The following CSMD1 variants were observed in gnomAD, a reference collection of about 807,000 sequenced individuals.
The protein encoded by CSMD1 is CUB and Sushi multiple domains 1.
In CSMD1, 213 loss-of-function variants were observed where a neutral mutation model predicts 417.5. That is an observed-to-expected ratio of 0.51 (90% CI 0.46 to 0.57). The LOEUF is 0.57. CSMD1 is among the 20% of genes least tolerant of loss of function. The pLI is 0.00. For missense variants in CSMD1, 6,923 were observed against 4,529.7 expected (o/e 1.53, Z -15.17); for synonymous variants, 2,862 against 1,736.8 (o/e 1.65, Z -16.11).
intron 6 of CSMD1, among the ~76,000 whole-genome samples, chr8:3,726,233 AC>A (rs1458533430): frequency 9.9e-5 from 15 of 152,254 alleles, no homozygotes; most frequent in African/African-American, 3.6e-4. Context: ...TTGACTGTAA[AC>A]CCATGAGAGG....
chr8:3,891,763 T>G (rs1423156381), intron 5 of CSMD1, among the ~76,000 whole-genome samples: 2 of 152,134 alleles, frequency 1.3e-5, no homozygotes, highest in Admixed American at 1.3e-4. Context: ...ACTGAATCTC[T>G]GCTTCATAAC....
chr8:3,722,055 G>A (rs536373990), intron 6 of CSMD1, among the ~76,000 whole-genome samples: 1 of 152,164 alleles, frequency 6.6e-6, no homozygotes, highest in Non-Finnish European at 1.5e-5. Context: ...AGAAGCATAA[G>A]GAAGAGGCCG....
intron 26 of CSMD1, among the ~76,000 whole-genome samples, chr8:3,242,740 A>C (rs528707683): frequency 9.9e-5 from 15 of 151,182 alleles, no homozygotes; most frequent in African/African-American, 3.6e-4. Context: ...GAAAAGAGAG[A>C]GTAGAGACAT....
At chr8:4,716,262 C>T (rs569763436) in intron 1 of CSMD1, among the ~76,000 whole-genome samples, 15 of 152,278 alleles carry the variant, frequency 9.9e-5, no homozygotes, top group African/African-American at 3.6e-4. Context: ...AAGACAATGC[C>T]AGCTCTTCAT....
At chr8:3,077,671 C>G (rs1389976104) in intron 49 of CSMD1, among the ~76,000 whole-genome samples, 1 of 152,254 alleles carries the variant, frequency 6.6e-6, no homozygotes, top group African/African-American at 2.4e-5. Flanking sequence ...GCATGCCCAT[C>G]GGGGCCTTAC....
chr8:4,123,258 G>A (rs959796552), intron 3 of CSMD1, among the ~76,000 whole-genome samples: 14 of 152,170 alleles, frequency 9.2e-5, no homozygotes, highest in African/African-American at 3.1e-4. Context: ...AAATGATACA[G>A]GCTTTGTAGC....
intron 3 of CSMD1, among the ~76,000 whole-genome samples, chr8:4,116,529 A>G (rs7812417): frequency 0.64 from 13,294 of 20,654 alleles, 5,396 homozygotes; most frequent in Non-Finnish European, 0.73. Context: ...GAGTGCAGGT[A>G]CCTGGATGGA....
intron 3 of CSMD1, among the ~76,000 whole-genome samples, chr8:4,377,648 G>C (rs545536680): frequency 3.3e-5 from 5 of 152,076 alleles, no homozygotes; most frequent in African/African-American, 7.2e-5. Flanking sequence ...TCATTTATAA[G>C]GTTCTTTTTA....
At chr8:4,175,697 G>T (rs755391993) in intron 3 of CSMD1, among the ~76,000 whole-genome samples, 11 of 152,146 alleles carry the variant, frequency 7.2e-5, no homozygotes, top group African/African-American at 2.7e-4. Context: ...TGTCCTCACA[G>T]AAGGGAGAAT....
At position 3,406,352 on chromosome 8, in the gene CSMD1, T is replaced by A. The variant is rs1252968736; in HGVS notation, c.2072-131A>T. ...TATATAATTATATAAATTTCAGTTG[T>A]ATCATTCATAGATAGATAATACATT... On this transcript the variant is annotated intron_variant, in intron 14 of 69. Coordinates refer to ENST00000635120, the MANE Select transcript of CSMD1 (RefSeq NM_033225.6). 7 of 642,680 alleles carry A rather than the reference T, an allele frequency of 1.1e-5. No individual in the cohort carries two copies. The African/African-American group carries it at 1.6e-4, about 15-fold the overall frequency. The allele number at this position is 642,680 out of a possible 1,614,324, so 39.8% of individuals were successfully genotyped here. A position where few individuals can be genotyped will look rare whatever the true frequency, so the allele number is the denominator to read the frequency against.
chr8:3,536,293 C>T (rs780785216), intron 10 of CSMD1, among the ~76,000 whole-genome samples: 49 of 152,234 alleles, frequency 3.2e-4, no homozygotes, highest in Non-Finnish European at 6.6e-4. Context: ...TGTACTTAAA[C>T]TAATTATTTT....
At chr8:4,638,088 G>A (rs142046540) in intron 1 of CSMD1, among the ~76,000 whole-genome samples, 1 of 152,194 alleles carries the variant, frequency 6.6e-6, no homozygotes, top group Non-Finnish European at 1.5e-5. Context: ...GCAACATTTT[G>A]TAACTAATAT....
chr8:3,809,369 T>C (rs1240677104), intron 5 of CSMD1, among the ~76,000 whole-genome samples: 2 of 152,230 alleles, frequency 1.3e-5, no homozygotes, highest in African/African-American at 4.8e-5. Context: ...ATCACTGTTC[T>C]ACTCACTAGG....
At chr8:3,794,737 T>A (rs1489560125) in intron 5 of CSMD1, among the ~76,000 whole-genome samples, 1 of 152,090 alleles carries the variant, frequency 6.6e-6, no homozygotes, top group African/African-American at 2.4e-5. Flanking sequence ...ATCTCACAGT[T>A]GCAACTTCCA....
intron 1 of CSMD1, among the ~76,000 whole-genome samples, chr8:4,801,375 C>A (rs76631463): frequency 6.6e-6 from 1 of 151,982 alleles, no homozygotes; most frequent in African/African-American, 2.4e-5. Context: ...CAGTACTGAG[C>A]AGATTCAAAG....
At chr8:3,094,240 G>A (rs944766614) in intron 47 of CSMD1, among the ~76,000 whole-genome samples, 3 of 152,002 alleles carry the variant, frequency 2.0e-5, no homozygotes, top group Non-Finnish European at 4.4e-5. Context: ...TGAGTAGCTG[G>A]GATTACAGGC....
At chr8:4,584,943 T>G (rs1043073854) in intron 2 of CSMD1, among the ~76,000 whole-genome samples, 3 of 152,120 alleles carry the variant, frequency 2.0e-5, no homozygotes, top group Admixed American at 6.5e-5. Flanking sequence ...AGCCCCAGTC[T>G]AACTGCCTGC....
intron 41 of CSMD1, 80 bp from the exon 42 acceptor site, chr8:3,118,667 T>A (rs553934835): frequency 1.6e-6 from 2 of 1,241,814 alleles, no homozygotes; most frequent in African/African-American, 3.0e-5. Context: ...TGTCATCACA[T>A]GTGACTGCTT....
chr8:3,957,465 C>A (rs1812033463), intron 5 of CSMD1, among the ~76,000 whole-genome samples: 1 of 152,036 alleles, frequency 6.6e-6, no homozygotes, highest in South Asian at 2.1e-4. Context: ...AGCCCCTGAG[C>A]CTAGGAGTAT....
Sources: gnomAD v4.1 joint callset for allele counts (sites outside exome capture counted in the v4.1 genomes callset) on GRCh38, gnomAD v4.1.1 for gene constraint, MANE v1.5 for transcripts, NCBI Gene and HGNC (gene_info 2026-07-23, HGNC 2026-07-21) for gene names.